Variants in FBN2 observed in about 807,000 individuals in gnomAD.
FBN2 encodes fibrillin-2.
FBN2 carries 105 observed loss-of-function variants against 355.6 expected under a neutral mutation model. The observed-to-expected ratio is 0.30, with a 90% CI of 0.25 to 0.35. FBN2 has a LOEUF of 0.35. Ranked by LOEUF, FBN2 falls within the 10% of genes least tolerant of loss-of-function variation. FBN2 has a pLI of 1.00. For synonymous variants in FBN2, 1,350 were observed against 1,301.2 expected (o/e 1.04, Z -0.81); for missense variants, 3,280 against 3,758.7 (o/e 0.87, Z 3.33).
chr5:128,384,289 G>A (rs1168686985), intron 11 of FBN2, among the ~76,000 whole-genome samples: 1 of 151,926 alleles, frequency 6.6e-6, no homozygotes, highest in African/African-American at 2.4e-5. Context: ...ATGGGGGCTG[G>A]GGATGGATGA....
intron 5 of FBN2, among the ~76,000 whole-genome samples, chr5:128,496,271 G>A (rs556238009): frequency 1.1e-4 from 17 of 151,902 alleles, no homozygotes; most frequent in African/African-American, 3.6e-4. Flanking sequence ...AAATATAAAA[G>A]CAAAAATCTT....
intron 27 of FBN2, among the ~76,000 whole-genome samples, chr5:128,336,577 A>G (rs553710054): frequency 6.6e-5 from 10 of 152,220 alleles, no homozygotes; most frequent in Non-Finnish European, 1.2e-4. Flanking sequence ...TGTTGCCTAC[A>G]TGATTTGAAG....
At chr5:128,453,522 ATGT>A (rs1754310970) in intron 6 of FBN2, among the ~76,000 whole-genome samples, 2 of 152,330 alleles carry the variant, frequency 1.3e-5, no homozygotes, top group South Asian at 2.1e-4. Context: ...TCCATTAAAA[ATGT>A]TGTTTTTAAT....
intron 15 of FBN2, among the ~76,000 whole-genome samples, chr5:128,372,884 C>T (rs1429425033): frequency 6.6e-6 from 1 of 152,146 alleles, no homozygotes; most frequent in Non-Finnish European, 1.5e-5. Context: ...AACATGGAAT[C>T]CCAAAGTGTT....
chr5:128,338,831 A>G (rs1750913960), intron 26 of FBN2, 102 bp downstream of exon 26: 2 of 1,282,088 alleles, frequency 1.6e-6, no homozygotes, highest in African/African-American at 1.5e-5. Flanking sequence ...GATGCTGGCC[A>G]CACATGCCGT....
Position 128,300,928 on chromosome 5 carries a change from C to T in FBN2, c.6055G>A (p.Glu2019Lys), listed in dbSNP as rs1554119321. The change falls in exon 48 of 65, where the codon GAG (glutamate) becomes AAG (lysine). Residue 2019 changes from glutamate (E) to lysine (K), a missense_variant. Glu to Lys is a moderately conservative substitution (Grantham distance 56). Coordinates refer to ENST00000262464, the MANE Select transcript of FBN2 (RefSeq NM_001999.4). The part of the protein sequence containing the change: ...PDGKNCIDTN[E>K]CVALPGSCSP... ...CAAGAGCCGGGAAGGGCGACACACT[C>T]ATTAGTGTCTTTAGAGAAAAAGAAG... The T allele has an allele frequency of 6.2e-7, 1 of 1,613,456 alleles. No homozygotes were observed. The highest frequency in any genetic ancestry group is 8.5e-7 in the Non-Finnish European group (1 of 1,179,434).
At chr5:128,483,325 A>C (rs1367856637) in intron 5 of FBN2, among the ~76,000 whole-genome samples, 1 of 152,210 alleles carries the variant, frequency 6.6e-6, no homozygotes, top group Non-Finnish European at 1.5e-5. Context: ...TTGAAATTAT[A>C]AAAATAAATA....
chr5:128,326,581 G>A (rs1049179974), intron 34 of FBN2, among the ~76,000 whole-genome samples: 3 of 152,218 alleles, frequency 2.0e-5, no homozygotes, highest in Non-Finnish European at 2.9e-5. Context: ...GGAGGATCAT[G>A]TATTTATAAT....
intron 18 of FBN2, 53 bp from the exon 19 acceptor site, chr5:128,361,901 A>G (rs1050382797): frequency 1.3e-6 from 2 of 1,549,526 alleles, no homozygotes; most frequent in Non-Finnish European, 1.8e-6. Flanking sequence ...CATCTATTAC[A>G]GTGGGCAGCA....
intron 18 of FBN2, among the ~76,000 whole-genome samples, chr5:128,362,914 C>T (rs1751675683): frequency 6.6e-6 from 1 of 152,116 alleles, no homozygotes; most frequent in Admixed American, 6.5e-5. Flanking sequence ...AAATAATATA[C>T]TGATACTGTG....
rs1324979217 is a variant in FBN2, at chr5:128,497,172, G to A, written c.628+22101C>T. 2.0e-5 allele frequency among the ~76,000 whole-genome samples: 3 copies of A among 152,104 alleles called. No homozygotes were observed. In the East Asian group the frequency reaches 5.8e-4, roughly 29 times the overall value. On this transcript the variant is annotated intron_variant, in intron 5 of 64. Transcript: ENST00000262464. ...AGATGGGAGTGAGGTACAGAAATAGGTTCCTTGTTTTGAGTTATAATGAAG... is the reference window on the plus strand; with the variant it reads ...AGATGGGAGTGAGGTACAGAAATAGATTCCTTGTTTTGAGTTATAATGAAG...
intron 7 of FBN2, among the ~76,000 whole-genome samples, chr5:128,412,020 A>T (rs1346193614): frequency 6.6e-6 from 1 of 152,198 alleles, no homozygotes; most frequent in Non-Finnish European, 1.5e-5. Flanking sequence ...GCTCATGGGA[A>T]AAAGCAGAGT....
intron 48 of FBN2, among the ~76,000 whole-genome samples, chr5:128,299,367 C>G (rs552904107): frequency 6.7e-6 from 1 of 150,094 alleles, no homozygotes; most frequent in Non-Finnish European, 1.5e-5. Flanking sequence ...CCAAACAGTT[C>G]GAGCTTCCGG....
chr5:128,457,837 C>A (rs1278182213), intron 6 of FBN2, among the ~76,000 whole-genome samples: 2 of 147,106 alleles, frequency 1.4e-5, no homozygotes, highest in Non-Finnish European at 3.0e-5. Context: ...CAGTACCAGA[C>A]ACTGCAAAAA....
At chr5:128,274,490 C>T in intron 60 of FBN2, 77 bp downstream of exon 60, 2 of 832,062 alleles carry the variant, frequency 2.4e-6, no homozygotes, top group Non-Finnish European at 4.2e-6. Flanking sequence ...GGACATTCTT[C>T]TGTTTATAAT....
chr5:128,517,066 C>T (rs1263150162), intron 5 of FBN2, among the ~76,000 whole-genome samples: 1 of 152,078 alleles, frequency 6.6e-6, no homozygotes, highest in East Asian at 1.9e-4. Flanking sequence ...ACTAATTAAT[C>T]TTACAATTTT....
chr5:128,259,756 C>A lies in FBN2; in HGVS notation c.8438G>T (p.Gly2813Val). 6.2e-7 allele frequency: 1 copy of A among 1,613,630 alleles called. No individual in the cohort carries two copies. ...VNMKFNLSHLGSKEHILELRP... is the reference protein window; with the variant it reads ...VNMKFNLSHLVSKEHILELRP... ...TAGTTCCAGGATGTGCTCCTTAGAG[C>A]CGAGGTGGGAGAGGTTGAACTTCAT... Residue 2813 changes from glycine to valine, a missense_variant, in exon 65 of 65, where the codon GGC becomes GTC. Transcript: ENST00000262464.
At chr5:128,517,970 C>T (rs1416289376) in intron 5 of FBN2, among the ~76,000 whole-genome samples, 2 of 152,026 alleles carry the variant, frequency 1.3e-5, no homozygotes, top group East Asian at 3.9e-4. Flanking sequence ...ACTGTTATGG[C>T]TCGATGCTAG....
At position 128,332,836 on chromosome 5, in the gene FBN2, T is replaced by C. The variant is rs1257783850; in HGVS notation, c.4222+76A>G. ...AAGGAATTAATAAAAGTGAAGAGCATGATTCTACAACCATGCAAAAAAGAG... is the reference window on the plus strand; with the variant it reads ...AAGGAATTAATAAAAGTGAAGAGCACGATTCTACAACCATGCAAAAAAGAG... On this transcript the variant is annotated intron_variant, in intron 32 of 64. Coordinates refer to ENST00000262464, the MANE Select transcript of FBN2 (RefSeq NM_001999.4). 5 of 1,386,244 alleles carry C rather than the reference T, an allele frequency of 3.6e-6. No homozygotes were observed. The Admixed American group carries it at 8.4e-5, about 23-fold the overall frequency. 85.9% of individuals were successfully genotyped at this position (1,386,244 alleles called of 1,614,324 possible). A position where few individuals can be genotyped will look rare whatever the true frequency, so the allele number is the denominator to read the frequency against.
Sources: gnomAD v4.1 joint callset for allele counts (sites outside exome capture counted in the v4.1 genomes callset) on GRCh38, gnomAD v4.1.1 for gene constraint, MANE v1.5 for transcripts, NCBI Gene and HGNC (gene_info 2026-07-23, HGNC 2026-07-21) for gene names.